The following DNAAF1 variants were observed in gnomAD, a reference collection of about 807,000 sequenced individuals.
DNAAF1 encodes the protein dynein axonemal assembly factor 1, also known as dynein assembly factor 1, axonemal.
DNAAF1 carries 65 observed loss-of-function variants against 71.1 expected under a neutral mutation model. The observed-to-expected ratio is 0.91, with a 90% CI of 0.75 to 1.12. The LOEUF (loss-of-function observed/expected upper bound fraction) is 1.12, where lower values mean the gene tolerates loss of function less well. Among genes scored for constraint, DNAAF1 ranks in the 50% most tolerant of loss-of-function variants. The pLI is 0.00. For synonymous variants in DNAAF1, 414 were observed against 354.6 expected (o/e 1.17, Z -1.88); for missense variants, 1,178 against 899.8 (o/e 1.31, Z -3.96).
At chr16:84,153,831 T>C (rs2087290312) in intron 3 of DNAAF1, among the ~76,000 whole-genome samples, 1 of 152,030 alleles carries the variant, frequency 6.6e-6, no homozygotes, top group African/African-American at 2.4e-5. Flanking sequence ...GGTGGGAACA[T>C]TTTCAAGGCA....
intron 9 of DNAAF1, chr16:84,173,512 G>A: frequency 1.0e-6 from 1 of 983,660 alleles, no homozygotes; most frequent in Non-Finnish European, 1.2e-6. Context: ...TTCACAGTGG[G>A]TTTCTAGTTT....
chr16:84,172,931 C>A, intron 9 of DNAAF1: 1 of 1,007,036 alleles, frequency 9.9e-7, no homozygotes. Context: ...GAAGCTCTTC[C>A]CATTTTGTTG....
intron 9 of DNAAF1, chr16:84,174,031 G>A (rs768250122): frequency 5.9e-5 from 12 of 204,492 alleles, no homozygotes; most frequent in Non-Finnish European, 7.9e-5. Flanking sequence ...ACAACTCTAA[G>A]CAGTACATAC....
rs756090297 is a variant in DNAAF1 at position 84,170,083 on chromosome 16, G to A, written c.1255G>A (p.Glu419Lys). 3 of 1,612,488 alleles carry A rather than the reference G, an allele frequency of 1.9e-6. No homozygotes were observed. The highest frequency in any genetic ancestry group is 2.5e-6 in the Non-Finnish European group (3 of 1,179,366). The change falls in exon 8 of 12, where the codon GAG (glutamate) becomes AAG (lysine). Residue 419 changes from glutamate (E) to lysine (K), a missense_variant. Glu to Lys is a moderately conservative substitution (Grantham distance 56, BLOSUM62 1). Transcript: ENST00000378553. The stretch of plus-strand genomic sequence containing the variant: ...AGAGCCAGAGGGGACCCTCCCAGCT[G>A]AGACCCTGCTACTGTCGTCACCTGT... Reference protein sequence around the residue: ...GPEPEGTLPAETLLLSSPVEV... With the variant: ...GPEPEGTLPAKTLLLSSPVEV...
At chr16:84,152,700 T>A (rs1433391257) in intron 3 of DNAAF1, among the ~76,000 whole-genome samples, 5 of 145,432 alleles carry the variant, frequency 3.4e-5, no homozygotes, top group Non-Finnish European at 7.5e-5. Flanking sequence ...ACACCTGTAA[T>A]CCCAGCACTT....
At chr16:84,163,541 C>T (rs577812740) in intron 6 of DNAAF1, among the ~76,000 whole-genome samples, 15 of 152,174 alleles carry the variant, frequency 9.9e-5, no homozygotes, top group African/African-American at 3.4e-4. Context: ...CCACCACACC[C>T]AGCTAATTTT....
At chr16:84,167,148 G>A (rs2151256996) in intron 7 of DNAAF1, among the ~76,000 whole-genome samples, 1 of 152,196 alleles carries the variant, frequency 6.6e-6, no homozygotes, top group South Asian at 2.1e-4. Flanking sequence ...TGCTATGATG[G>A]CTCACAGAAC....
Position 84,149,139 on chromosome 16 carries a change from C to A in DNAAF1, c.257C>A (p.Pro86His). The stretch of plus-strand genomic sequence containing the variant: ...AGAGAAGACAGGGAAGATCGGGGCC[C>A]CAGGTATGTGGGCATACTCCTAATT... ...HPREDREDRG[P>H]RMTKSSLQKL... Residue 86 changes from proline to histidine, a missense_variant, in exon 2 of 12, where the codon CCC becomes CAC. Coordinates refer to ENST00000378553, the MANE Select transcript of DNAAF1 (RefSeq NM_178452.6). The A allele has an allele frequency of 1.2e-6, 2 of 1,613,882 alleles. No homozygotes were observed. Among genetic ancestry groups the A allele is most frequent in the South Asian group, 2.2e-5 (2 of 91,068 alleles).
At chr16:84,170,601 A>C (rs1476464154) in intron 8 of DNAAF1, among the ~76,000 whole-genome samples, 1 of 152,208 alleles carries the variant, frequency 6.6e-6, no homozygotes, top group African/African-American at 2.4e-5. Flanking sequence ...TGGGAGGCCA[A>C]GGCAGAAGGA....
intron 11 of DNAAF1, 95 bp from the exon 12 acceptor site, chr16:84,177,634 C>G (rs747230104): frequency 9.7e-7 from 1 of 1,028,978 alleles, no homozygotes; most frequent in Admixed American, 1.7e-5. Context: ...CAGTTGAGGA[C>G]ACTGAATTTG....
intron 5 of DNAAF1, among the ~76,000 whole-genome samples, chr16:84,157,101 C>G (rs111786752): frequency 6.6e-5 from 10 of 152,060 alleles, no homozygotes; most frequent in African/African-American, 2.4e-4. Flanking sequence ...TGAATTGAAA[C>G]CTGGCAACCT....
At chr16:84,172,943 C>A in intron 9 of DNAAF1, 1 of 1,008,102 alleles carries the variant, frequency 9.9e-7, no homozygotes, top group East Asian at 9.4e-5. Flanking sequence ...ATTTTGTTGA[C>A]AGTCTCAAAT....
At chr16:84,155,848 G>A (rs2087401658) in intron 5 of DNAAF1, 99 bp downstream of exon 5, 12 of 1,436,212 alleles carry the variant, frequency 8.4e-6, no homozygotes, top group Non-Finnish European at 1.1e-5. Flanking sequence ...TCTCCTTCCT[G>A]CCTTCCTTCC....
At chr16:84,150,417 G>A in intron 3 of DNAAF1, 75 bp downstream of exon 3, 1 of 1,149,112 alleles carries the variant, frequency 8.7e-7, no homozygotes, top group East Asian at 2.4e-5. Context: ...ATTACTTGCA[G>A]GGATCACCTT....
At chr16:84,151,655 C>T (rs1411270825) in intron 3 of DNAAF1, among the ~76,000 whole-genome samples, 2 of 152,192 alleles carry the variant, frequency 1.3e-5, no homozygotes, top group East Asian at 3.9e-4. Flanking sequence ...TGATCTCACC[C>T]AGTTTCTGAG....
rs139283232 is a variant in DNAAF1, at chr16:84,159,676, G to C, written c.743G>C (p.Arg248Pro). Reference protein sequence around the residue: ...LSILESMPDLRVLNLMGNPVI... With the variant: ...LSILESMPDLPVLNLMGNPVI... ...TTGGTTCTGCTTGTCTTCTTGCAGC[G>C]TGTACTGAATTTGATGGGAAACCCG... Residue 248 changes from arginine (R) to proline (P), a missense_variant and splice_region_variant, in exon 6 of 12, where the codon CGT becomes CCT. Physicochemically the swap from Arg to Pro is moderately radical, Grantham distance 103 (BLOSUM62 -2). Coordinates refer to ENST00000378553, the MANE Select transcript of DNAAF1 (RefSeq NM_178452.6). The C allele has an allele frequency of 6.2e-7, 1 of 1,610,968 alleles. No homozygotes were observed. Among genetic ancestry groups the C allele is most frequent in the Admixed American group, 1.7e-5 (1 of 59,700 alleles).
chr16:84,148,612 T>TTTTTTTTTTTTTTTTTTTTTC, intron 1 of DNAAF1, among the ~76,000 whole-genome samples: 1 of 140,900 alleles, frequency 7.1e-6, no homozygotes, highest in South Asian at 2.3e-4. Context: ...TTTTTTTTTT[T>TTTTTTTTTTTTTTTTTTTTTC]TTGGTGAGAC....
rs976423535 is a variant in DNAAF1, at chr16:84,159,936, A to G, written c.863+140A>G. The G allele has an allele frequency of 3.3e-6, 3 of 909,308 alleles. No homozygotes were observed. In the African/African-American group the frequency reaches 5.1e-5, roughly 15 times the overall value. 56.3% of individuals were successfully genotyped at this position (909,308 alleles called of 1,614,324 possible). On this transcript the variant is annotated intron_variant, in intron 6 of 11. Coordinates refer to ENST00000378553, the MANE Select transcript of DNAAF1 (RefSeq NM_178452.6). ...TTGGAAATAGGCTTGATGGCTACAT[A>G]ATTGACTATAATGGGAATTTGAGCA... is the stretch of plus-strand genomic sequence containing the variant.
intron 7 of DNAAF1, among the ~76,000 whole-genome samples, chr16:84,166,732 C>G (rs1435239483): frequency 1.3e-5 from 2 of 152,176 alleles, no homozygotes; most frequent in Non-Finnish European, 2.9e-5. Context: ...TTGGCCTCAC[C>G]TACCTGCCAG....
Sources: gnomAD v4.1 joint callset for allele counts (sites outside exome capture counted in the v4.1 genomes callset) on GRCh38, gnomAD v4.1.1 for gene constraint, MANE v1.5 for transcripts, NCBI Gene and HGNC (gene_info 2026-07-23, HGNC 2026-07-21) for gene names.